Variants in ZNF382 observed in about 807,000 individuals in gnomAD.
The protein encoded by ZNF382 is zinc finger protein 382.
A neutral mutation model predicts 38.8 loss-of-function variants in ZNF382; 20 were observed. The observed-to-expected ratio is 0.51, with a 90% CI of 0.36 to 0.75. The LOEUF (loss-of-function observed/expected upper bound fraction) is 0.75. Ranked by LOEUF, ZNF382 falls within the 30% of genes least tolerant of loss-of-function variation. The pLI is 0.00. For synonymous variants in ZNF382, 202 were observed against 223.1 expected, an observed-to-expected ratio of 0.91 and a Z score of 0.84; for missense variants, 546 against 654.1, an observed-to-expected ratio of 0.83 and a Z score of 1.80.
chr19:36,612,192 C>G (rs958598228), intron 4 of ZNF382, among the ~76,000 whole-genome samples: 3 of 152,326 alleles, frequency 2.0e-5, no homozygotes, highest in Admixed American at 2.0e-4. Context: ...TGATGTCTAC[C>G]AACATAGATT....
chr19:36,619,047 A>T (rs2037148258), intron 4 of ZNF382, among the ~76,000 whole-genome samples: 1 of 152,150 alleles, frequency 6.6e-6, no homozygotes, highest in Admixed American at 6.5e-5. Context: ...AAATAAATAC[A>T]TAAATAAATC....
In ZNF382 at chr19:36,627,896, A is replaced by G. The variant is rs904039942; in HGVS notation, c.*346A>G. 6 of 221,542 alleles carry G rather than the reference A, an allele frequency of 2.7e-5. No homozygotes were observed. Among genetic ancestry groups the G allele is most frequent in the African/African-American group, 6.9e-5 (3 of 43,430 alleles). The allele number at this position is 221,542 out of a possible 1,614,324, so 13.7% of individuals were successfully genotyped here. On this transcript the variant is annotated 3_prime_UTR_variant, in exon 5 of 5. Coordinates refer to ENST00000292928, the MANE Select transcript of ZNF382 (RefSeq NM_032825.5). The stretch of plus-strand genomic sequence containing the variant: ...CTAGTTGGCCAACTGACTGTGGTCC[A>G]TGGACTACACAGTGAGTAGAGGTTC...
In ZNF382 at chr19:36,633,841, T is replaced by G. The variant is rs932652816; in HGVS notation, c.*6291T>G. The G allele has an allele frequency of 1.3e-5, 2 of 152,140 alleles. No individual in the cohort carries two copies. Among genetic ancestry groups the G allele is most frequent in the African/African-American group, 4.8e-5 (2 of 41,442 alleles). The allele number at this position is 152,140 out of a possible 1,614,324, so 9.4% of individuals were successfully genotyped here. On this transcript the variant is annotated 3_prime_UTR_variant, in exon 5 of 5. Coordinates refer to ENST00000292928, the MANE Select transcript of ZNF382 (RefSeq NM_032825.5). Reference sequence around the variant, plus strand: ...AACCCAGTCCCAAAAAGTTACATACTGTATGATTCCATTTATATGACATGC... The same window carrying G: ...AACCCAGTCCCAAAAAGTTACATACGGTATGATTCCATTTATATGACATGC...
Position 36,628,533 on chromosome 19 carries a change from A to G in ZNF382, c.*983A>G, listed in dbSNP as rs1456083414. ...GGAATGTGAATGTAATATATGTAGAAAAACATTTAGCCACAGCCCAAATCT... is the reference window on the plus strand; with the variant it reads ...GGAATGTGAATGTAATATATGTAGAGAAACATTTAGCCACAGCCCAAATCT... On this transcript the variant is annotated 3_prime_UTR_variant, in exon 5 of 5. Transcript: ENST00000292928. 6.5e-6 allele frequency: 1 copy of G among 152,826 alleles called. No individual in the cohort carries two copies. The highest frequency in any genetic ancestry group is 6.5e-5 in the Admixed American group (1 of 15,272). The allele number at this position is 152,826 out of a possible 1,614,324, so 9.5% of individuals were successfully genotyped here. A position where few individuals can be genotyped will look rare whatever the true frequency, so the allele number is the denominator to read the frequency against.
chr19:36,617,607 T>A (rs1347025633), intron 4 of ZNF382, among the ~76,000 whole-genome samples: 5 of 152,216 alleles, frequency 3.3e-5, no homozygotes, highest in Non-Finnish European at 5.9e-5. Context: ...TCTCAGGGAC[T>A]GCTACAATGG....
intron 4 of ZNF382, among the ~76,000 whole-genome samples, chr19:36,621,591 T>TACACACAC (rs34609656): frequency 1.9e-4 from 27 of 145,204 alleles, no homozygotes; most frequent in African/African-American, 6.6e-4. Flanking sequence ...TAGAAAAAAA[T>TACACACAC]ACACACACAC....
chr19:36,625,046 G>A (rs2037198709), intron 4 of ZNF382, among the ~76,000 whole-genome samples: 1 of 130,316 alleles, frequency 7.7e-6, no homozygotes, highest in African/African-American at 2.8e-5. Context: ...CCAGCTTGGG[G>A]GACAGAGCGA....
chr19:36,616,712 A>G (rs2037128672), intron 4 of ZNF382, among the ~76,000 whole-genome samples: 1 of 152,214 alleles, frequency 6.6e-6, no homozygotes, highest in South Asian at 2.1e-4. Context: ...TAGGTGAGCA[A>G]CTGAGCTATC....
chr19:36,613,422 CTT>C (rs11353427), intron 4 of ZNF382, among the ~76,000 whole-genome samples: 238 of 121,216 alleles, frequency 2.0e-3, no homozygotes, highest in African/African-American at 4.1e-3. Context: ...GTATATTTTG[CTT>C]TTTTTTTTTT....
chr19:36,613,068 G>A (rs1415440851), intron 4 of ZNF382, among the ~76,000 whole-genome samples: 1 of 152,218 alleles, frequency 6.6e-6, no homozygotes, highest in Non-Finnish European at 1.5e-5. Context: ...TGGGATTACA[G>A]GCGTGAGCCA....
chr19:36,627,660 C>A lies in ZNF382; in HGVS notation c.*110C>A. 3.0e-6 allele frequency: 2 copies of A among 670,196 alleles called. No homozygotes were observed. The highest frequency in any genetic ancestry group is 2.5e-6 in the Non-Finnish European group (1 of 400,024). 41.5% of individuals were successfully genotyped at this position (670,196 alleles called of 1,614,324 possible). On this transcript the variant is annotated 3_prime_UTR_variant, in exon 5 of 5. Transcript: ENST00000292928. ...TTAAGGTACTATACCACATGGTAAC[C>A]TACTGTTTGCCAGCCTGTAAAACAC...
Position 36,626,249 on chromosome 19 carries a change from G to A in ZNF382, c.352G>A (p.Gly118Ser). 6.2e-7 allele frequency: 1 copy of A among 1,608,538 alleles called. No homozygotes were observed. Among genetic ancestry groups the A allele is most frequent in the Non-Finnish European group, 8.5e-7 (1 of 1,178,362 alleles). Residue 118 changes from glycine to serine, a missense_variant, in exon 5 of 5, where the codon GGT becomes AGT. Physicochemically the swap from Gly to Ser is moderately conservative, Grantham distance 56 (BLOSUM62 0). Coordinates refer to ENST00000292928, the MANE Select transcript of ZNF382 (RefSeq NM_032825.5). ...KLIKERSNIY[G>S]KTFTLGKNRI... ...AATTAAGGAGAGAAGTAATATTTAT[G>A]GTAAAACATTTACTCTAGGCAAGAA...
chr19:36,617,896 C>T (rs1322824360), intron 4 of ZNF382, among the ~76,000 whole-genome samples: 1 of 152,086 alleles, frequency 6.6e-6, no homozygotes, highest in African/African-American at 2.4e-5. Flanking sequence ...GGTGGACATG[C>T]CCAAGGACTG....
chr19:36,623,117 T>C (rs1204890354), intron 4 of ZNF382, among the ~76,000 whole-genome samples: 1 of 152,166 alleles, frequency 6.6e-6, no homozygotes, highest in African/African-American at 2.4e-5. Flanking sequence ...TACTGCAGCT[T>C]GTAACAGAGG....
intron 1 of ZNF382, chr19:36,605,741 C>A (rs2037016771): frequency 6.6e-6 from 1 of 152,368 alleles, no homozygotes. Context: ...GTGCTTGCCT[C>A]TCTTTGGGAT....
Position 36,627,243 on chromosome 19 carries a change from C to A in ZNF382, c.1346C>A (p.Thr449Lys), listed in dbSNP as rs2037222140. Residue 449 changes from threonine (T) to lysine (K), a missense_variant, in exon 5 of 5, where the codon ACA becomes AAA. Thr to Lys is a moderately conservative substitution (Grantham distance 78). Coordinates refer to ENST00000292928, the MANE Select transcript of ZNF382 (RefSeq NM_032825.5). ...NECGKSFCQKTTLTLHQRIHT... is the reference protein window; with the variant it reads ...NECGKSFCQKKTLTLHQRIHT... Reference sequence around the variant, plus strand: ...TGTGGGAAGTCCTTCTGCCAAAAGACAACCCTCACTCTCCACCAGAGAATT... The same window carrying A: ...TGTGGGAAGTCCTTCTGCCAAAAGAAAACCCTCACTCTCCACCAGAGAATT... 1 of 1,613,872 alleles carries A rather than the reference C, an allele frequency of 6.2e-7. No homozygotes were observed. Among genetic ancestry groups the A allele is most frequent in the South Asian group, 1.1e-5 (1 of 91,082 alleles).
At position 36,627,679 on chromosome 19, in the gene ZNF382, A is replaced by AAAAC. The variant is rs1341425193; in HGVS notation, c.*131_*134dup. ...GGTAACCTACTGTTTGCCAGCCTGT[A>AAAAC]AAACACACACACACACACACACACA... On this transcript the variant is annotated 3_prime_UTR_variant, in exon 5 of 5. Coordinates refer to ENST00000292928, the MANE Select transcript of ZNF382 (RefSeq NM_032825.5). The AAAAC allele has an allele frequency of 3.3e-6, 2 of 597,568 alleles. No individual in the cohort carries two copies. The highest frequency in any genetic ancestry group is 4.3e-5 in the African/African-American group (2 of 46,836). The allele number at this position is 597,568 out of a possible 1,614,324, so 37.0% of individuals were successfully genotyped here. A position where few individuals can be genotyped will look rare whatever the true frequency, so the allele number is the denominator to read the frequency against.
chr19:36,610,553 A>G (rs2037068929), intron 3 of ZNF382, 97 bp from the exon 4 acceptor site: 1 of 848,540 alleles, frequency 1.2e-6, no homozygotes. Flanking sequence ...ACATTAATGT[A>G]TACCTCATTT....
At chr19:36,623,644 A>G (rs1308423260) in intron 4 of ZNF382, among the ~76,000 whole-genome samples, 1 of 152,032 alleles carries the variant, frequency 6.6e-6, no homozygotes, top group African/African-American at 2.4e-5. Flanking sequence ...TACAAAAAAC[A>G]TCAGTCAGAT....
Sources: allele counts gnomAD v4.1 joint callset (sites outside exome capture counted in the v4.1 genomes callset), GRCh38; gene constraint gnomAD v4.1.1; transcripts MANE v1.5; gene names NCBI Gene and HGNC (gene_info 2026-07-23, HGNC 2026-07-21).